THRB: variants seen among roughly 807,000 people sequenced by gnomAD.
The protein encoded by THRB is thyroid hormone receptor beta.
In THRB, 12 loss-of-function variants were observed where a neutral mutation model predicts 47.8. The observed-to-expected ratio is 0.25, with a 90% CI of 0.16 to 0.41. THRB has a LOEUF of 0.41. THRB is among the 10% of genes least tolerant of loss of function. The pLI, the probability that THRB is intolerant of heterozygous loss-of-function variation, is 1.00. For synonymous variants in THRB, 218 were observed against 212.2 expected, an observed-to-expected ratio of 1.03 and a Z score of -0.24; for missense variants, 348 against 589.2, an observed-to-expected ratio of 0.59 and a Z score of 4.24.
chr3:24,394,315 T>C (rs2066792763), intron 1 of THRB, among the ~76,000 whole-genome samples: 1 of 152,126 alleles, frequency 6.6e-6, no homozygotes, highest in South Asian at 2.1e-4. Context: ...ACAGAGGCCA[T>C]TTGTGAAAGA....
intron 1 of THRB, among the ~76,000 whole-genome samples, chr3:24,366,332 G>T (rs2064454714): frequency 6.6e-6 from 1 of 152,068 alleles, no homozygotes; most frequent in Non-Finnish European, 1.5e-5. Flanking sequence ...ACTAGAAAGG[G>T]GTGAATCCTA....
intron 3 of THRB, among the ~76,000 whole-genome samples, chr3:24,287,892 A>C (rs919903436): frequency 6.6e-6 from 1 of 152,208 alleles, no homozygotes; most frequent in African/African-American, 2.4e-5. Context: ...AAGGCCAAGA[A>C]GAGAAAGGAA....
chr3:24,240,915 T>C (rs978817328), intron 3 of THRB, among the ~76,000 whole-genome samples: 1 of 152,138 alleles, frequency 6.6e-6, no homozygotes. Flanking sequence ...ACTCAACACA[T>C]GGCAGGCACC....
intron 1 of THRB, among the ~76,000 whole-genome samples, chr3:24,475,218 C>T (rs893171920): frequency 2.6e-5 from 4 of 151,604 alleles, no homozygotes; most frequent in African/African-American, 9.7e-5. Flanking sequence ...TATATTACAA[C>T]AAATACGAAT....
At chr3:24,310,071 C>T (rs2057644442) in intron 2 of THRB, among the ~76,000 whole-genome samples, 1 of 150,354 alleles carries the variant, frequency 6.7e-6, no homozygotes, top group Admixed American at 6.6e-5. Flanking sequence ...CCATATATCA[C>T]ATTGGAAGCT....
chr3:24,465,165 T>C (rs1472962164), intron 1 of THRB, among the ~76,000 whole-genome samples: 1 of 152,226 alleles, frequency 6.6e-6, no homozygotes, highest in Non-Finnish European at 1.5e-5. Context: ...CTAAATCAAT[T>C]TTTAATTCAT....
intron 1 of THRB, among the ~76,000 whole-genome samples, chr3:24,453,694 A>G (rs1377790930): frequency 6.6e-6 from 1 of 152,208 alleles, no homozygotes; most frequent in Admixed American, 6.5e-5. Context: ...TCTGAATGAA[A>G]TTCAAACTCC....
At chr3:24,333,480 C>T (rs1488552627) in intron 2 of THRB, among the ~76,000 whole-genome samples, 1 of 152,198 alleles carries the variant, frequency 6.6e-6, no homozygotes, top group Non-Finnish European at 1.5e-5. Context: ...TGAAATAGGT[C>T]CTTTCAAATG....
At chr3:24,330,180 G>A (rs1226254458) in intron 2 of THRB, among the ~76,000 whole-genome samples, 2 of 151,970 alleles carry the variant, frequency 1.3e-5, no homozygotes, top group East Asian at 1.9e-4. Flanking sequence ...GGTGGCGGGC[G>A]CCTGTAGTCC....
chr3:24,328,114 T>A (rs1192243130), intron 2 of THRB, among the ~76,000 whole-genome samples: 2 of 152,168 alleles, frequency 1.3e-5, no homozygotes, highest in African/African-American at 4.8e-5. Flanking sequence ...TTCTAGTTTG[T>A]TAAGATTAAA....
At chr3:24,167,070 C>G (rs936410037) in intron 5 of THRB, among the ~76,000 whole-genome samples, 4 of 152,050 alleles carry the variant, frequency 2.6e-5, no homozygotes, top group East Asian at 3.9e-4. Context: ...AGTGGACCAC[C>G]ATTGTGCTGT....
intron 2 of THRB, among the ~76,000 whole-genome samples, chr3:24,311,389 A>G (rs1695412940): frequency 6.6e-6 from 1 of 152,200 alleles, no homozygotes; most frequent in African/African-American, 2.4e-5. Context: ...GAGGGCTTCA[A>G]TGGTTCTCTA....
At chr3:24,183,627 C>T (rs574274630) in intron 5 of THRB, among the ~76,000 whole-genome samples, 2 of 151,234 alleles carry the variant, frequency 1.3e-5, no homozygotes, top group South Asian at 2.1e-4. Context: ...CCTGCCTCGG[C>T]CTCCCAAAGT....
intron 5 of THRB, among the ~76,000 whole-genome samples, chr3:24,155,668 G>C (rs943947084): frequency 1.3e-5 from 2 of 151,938 alleles, no homozygotes; most frequent in Non-Finnish European, 2.9e-5. Context: ...ATTTTCCTTT[G>C]TCATACTCAC....
chr3:24,343,961 A>G (rs1433910218), intron 1 of THRB, among the ~76,000 whole-genome samples: 1 of 147,352 alleles, frequency 6.8e-6, no homozygotes, highest in Non-Finnish European at 1.5e-5. Context: ...ATTTATATAT[A>G]TATATATTTA....
intron 1 of THRB, among the ~76,000 whole-genome samples, chr3:24,350,081 C>T (rs1305682305): frequency 1.3e-5 from 2 of 152,014 alleles, no homozygotes; most frequent in African/African-American, 4.8e-5. Context: ...TATTCTCACA[C>T]AAGAAGATAC....
chr3:24,233,599 G>GAAAGAAAAAT lies in THRB; in HGVS notation c.-42-4599_-42-4598insATTTTTCTTT, dbSNP rs1559684596. On this transcript the variant is annotated intron_variant, in intron 3 of 10. Transcript: ENST00000646209. ...AGAAAGAAAGAAAGAAAGAAAGAAA[G>GAAAGAAAAAT]AAAGAAAGAAAGAAAGAGAAAGAGC... 4.2e-3 allele frequency among the ~76,000 whole-genome samples: 641 copies of GAAAGAAAAAT among 150,908 alleles called. 4 individuals are homozygous for GAAAGAAAAAT. Among genetic ancestry groups the GAAAGAAAAAT allele is most frequent in the African/African-American group, 0.015 (597 of 41,072 alleles).
chr3:24,211,156 C>T (rs562980953), intron 4 of THRB, among the ~76,000 whole-genome samples: 61 of 146,878 alleles, frequency 4.2e-4, no homozygotes, highest in African/African-American at 1.3e-3. Context: ...GCTAAGATCG[C>T]GCCACTGCAC....
intron 4 of THRB, among the ~76,000 whole-genome samples, chr3:24,222,270 A>G (rs1219766179): frequency 1.3e-5 from 2 of 152,296 alleles, no homozygotes; most frequent in South Asian, 2.1e-4. Context: ...AAGATGACAA[A>G]TATTTATGGT....
Sources: gnomAD v4.1 joint callset for allele counts (sites outside exome capture counted in the v4.1 genomes callset) on GRCh38, gnomAD v4.1.1 for gene constraint, MANE v1.5 for transcripts, NCBI Gene and HGNC (gene_info 2026-07-23, HGNC 2026-07-21) for gene names.